Variants in PCCA observed in about 807,000 individuals in gnomAD.
PCCA encodes propionyl-CoA carboxylase subunit alpha.
PCCA carries 74 observed loss-of-function variants against 101.3 expected under a neutral mutation model. That is an observed-to-expected ratio of 0.73 (90% CI 0.61 to 0.89). The LOEUF (loss-of-function observed/expected upper bound fraction) is 0.89. Among genes scored for constraint, PCCA ranks in the 40% least tolerant of loss-of-function variants. The pLI is 0.00. For missense variants in PCCA, 891 were observed against 907.0 expected, an observed-to-expected ratio of 0.98 and a Z score of 0.23; for synonymous variants, 294 against 313.6, an observed-to-expected ratio of 0.94 and a Z score of 0.66.
intron 17 of PCCA, among the ~76,000 whole-genome samples, chr13:100,336,826 T>A (rs1212635529): frequency 2.0e-5 from 3 of 152,200 alleles, no homozygotes; most frequent in Non-Finnish European, 4.4e-5. Context: ...TTGTGAACGT[T>A]CCAAGGCTGG....
chr13:100,442,000 T>A (rs12877100), intron 20 of PCCA, among the ~76,000 whole-genome samples: 5 of 93,772 alleles, frequency 5.3e-5, no homozygotes, highest in East Asian at 9.7e-4. Context: ...TTTTTTTTTT[T>A]TTTTTATTTT....
chr13:100,100,754 T>C (rs1162345983), intron 1 of PCCA, among the ~76,000 whole-genome samples: 1 of 151,886 alleles, frequency 6.6e-6, no homozygotes, highest in African/African-American at 2.4e-5. Context: ...TGTTCTGTTA[T>C]AGTTGTGTTT....
intron 21 of PCCA, among the ~76,000 whole-genome samples, chr13:100,481,937 C>T (rs1255335556): frequency 7.9e-5 from 12 of 152,192 alleles, no homozygotes; most frequent in East Asian, 5.8e-4. Flanking sequence ...ATTATTACAA[C>T]GTACCATCAA....
At chr13:100,381,771 C>T (rs1424253773) in intron 19 of PCCA, among the ~76,000 whole-genome samples, 2 of 152,222 alleles carry the variant, frequency 1.3e-5, no homozygotes, top group African/African-American at 4.8e-5. Context: ...AGTGCAGGAG[C>T]ACTGGAACTG....
chr13:100,333,051 A>C (rs2069883339), intron 17 of PCCA, among the ~76,000 whole-genome samples: 1 of 152,200 alleles, frequency 6.6e-6, no homozygotes, highest in Non-Finnish European at 1.5e-5. Flanking sequence ...ACATGTTGTT[A>C]TATTGCCTCT....
At chr13:100,274,060 C>G (rs565512967) in intron 12 of PCCA, among the ~76,000 whole-genome samples, 1 of 152,120 alleles carries the variant, frequency 6.6e-6, no homozygotes, top group Non-Finnish European at 1.5e-5. Flanking sequence ...TACAAAACAG[C>G]CAGCTCTTTT....
chr13:100,522,591 G>A (rs374780258), intron 22 of PCCA, among the ~76,000 whole-genome samples: 2 of 152,274 alleles, frequency 1.3e-5, no homozygotes, highest in African/African-American at 4.8e-5. Context: ...AACAGCCCTG[G>A]GTTTGGGCAA....
intron 20 of PCCA, among the ~76,000 whole-genome samples, chr13:100,435,085 G>T (rs1006184290): frequency 3.3e-5 from 5 of 152,082 alleles, no homozygotes; most frequent in Admixed American, 6.6e-5. Flanking sequence ...TTCTTATATT[G>T]CTATAAAGAA....
intron 4 of PCCA, among the ~76,000 whole-genome samples, chr13:100,153,524 C>G (rs1366115307): frequency 6.6e-6 from 1 of 152,146 alleles, no homozygotes; most frequent in Non-Finnish European, 1.5e-5. Flanking sequence ...GTGAAGTACT[C>G]AATTTCTTTC....
intron 17 of PCCA, among the ~76,000 whole-genome samples, chr13:100,331,277 A>G (rs577272462): frequency 1.1e-4 from 16 of 152,338 alleles, no homozygotes; most frequent in African/African-American, 3.4e-4. Flanking sequence ...CATAGTTAAC[A>G]TAAGATATTG....
intron 4 of PCCA, among the ~76,000 whole-genome samples, chr13:100,124,025 G>A (rs1335793762): frequency 3.9e-5 from 6 of 152,122 alleles, no homozygotes; most frequent in Admixed American, 3.9e-4. Flanking sequence ...TGAGAGCAAA[G>A]AATTTGGGAA....
chr13:100,196,069 C>T (rs765370485), intron 6 of PCCA, among the ~76,000 whole-genome samples: 13 of 152,188 alleles, frequency 8.5e-5, no homozygotes, highest in African/African-American at 2.6e-4. Flanking sequence ...AAATTAATAA[C>T]GAACATAGTA....
At chr13:100,193,799 T>G (rs1038662848) in intron 6 of PCCA, among the ~76,000 whole-genome samples, 11 of 152,112 alleles carry the variant, frequency 7.2e-5, no homozygotes, top group Non-Finnish European at 4.4e-5. Flanking sequence ...TAAATCATAG[T>G]CCGGGTGCGG....
chr13:100,450,235 T>C, intron 21 of PCCA, among the ~76,000 whole-genome samples: 1 of 143,954 alleles, frequency 6.9e-6, no homozygotes, highest in South Asian at 2.2e-4. Context: ...ATACAAAAAT[T>C]AGCCGGGTTG....
intron 12 of PCCA, among the ~76,000 whole-genome samples, chr13:100,277,131 G>T (rs2063722753): frequency 1.3e-5 from 2 of 152,112 alleles, no homozygotes; most frequent in African/African-American, 4.8e-5. Context: ...GGGATACACA[G>T]CCCGGTTGCA....
At chr13:100,290,316 GTCC>G (rs1276590273) in intron 12 of PCCA, among the ~76,000 whole-genome samples, 2 of 151,864 alleles carry the variant, frequency 1.3e-5, no homozygotes, top group Non-Finnish European at 2.9e-5. Flanking sequence ...TGCTCAAGCA[GTCC>G]TCCTGCCTCG....
chr13:100,227,043 G>A lies in PCCA; in HGVS notation c.601-8799G>A, dbSNP rs182658228. 2.6e-5 allele frequency among the ~76,000 whole-genome samples: 4 copies of A among 152,196 alleles called. No individual in the cohort carries two copies. The East Asian group carries it at 5.8e-4, about 22-fold the overall frequency. ...CTTTGAGACGAAGTCTTGCTCTGTC[G>A]CCCATACTGGAGTGCAGTGGCACTA... On this transcript the variant is annotated intron_variant, in intron 7 of 23. Transcript: ENST00000376285.
chr13:100,282,833 C>T (rs1469293865), intron 12 of PCCA, among the ~76,000 whole-genome samples: 1 of 152,128 alleles, frequency 6.6e-6, no homozygotes, highest in Non-Finnish European at 1.5e-5. Flanking sequence ...ACAGGAGGAC[C>T]TCTCAGCTCA....
chr13:100,241,890 G>T (rs2061160509), intron 8 of PCCA, among the ~76,000 whole-genome samples: 1 of 152,012 alleles, frequency 6.6e-6, no homozygotes, highest in Admixed American at 6.6e-5. Context: ...ATTATTTTGG[G>T]TATATTCTTC....
Sources: gnomAD v4.1 joint callset for allele counts (sites outside exome capture counted in the v4.1 genomes callset) on GRCh38, gnomAD v4.1.1 for gene constraint, MANE v1.5 for transcripts, NCBI Gene and HGNC (gene_info 2026-07-23, HGNC 2026-07-21) for gene names.